AATF: variants seen among roughly 807,000 people sequenced by gnomAD.
AATF encodes the protein apoptosis antagonizing transcription factor.
A neutral mutation model predicts 63.7 loss-of-function variants in AATF; 48 were observed. The ratio of observed to expected loss-of-function variants is 0.75; its 90% CI spans 0.60 to 0.96. AATF has a LOEUF of 0.96. Ranked by LOEUF, AATF falls within the 40% of genes least tolerant of loss-of-function variation. The probability of loss-of-function intolerance (pLI) is 0.00; values close to 1 mark genes in which losing one functional copy is unlikely to be tolerated. For missense variants in AATF, 639 were observed against 685.7 expected (o/e 0.93, Z 0.76); for synonymous variants, 258 against 247.7 (o/e 1.04, Z -0.39).
At chr17:36,980,553 A>G (rs2071114591) in intron 4 of AATF, 1 of 152,212 alleles carries the variant, frequency 6.6e-6, no homozygotes, top group Non-Finnish European at 1.5e-5. Context: ...GAAACTGTTG[A>G]TTCATTCTAT....
chr17:36,957,547 C>T (rs1427747443), intron 4 of AATF, among the ~76,000 whole-genome samples: 1 of 152,104 alleles, frequency 6.6e-6, no homozygotes, highest in Non-Finnish European at 1.5e-5. Context: ...CAGTGTTGGC[C>T]TCTTACGACG....
chr17:37,005,198 T>C (rs1279838661), intron 8 of AATF, among the ~76,000 whole-genome samples: 1 of 152,240 alleles, frequency 6.6e-6, no homozygotes, highest in Non-Finnish European at 1.5e-5. Context: ...CTTTCTAAAA[T>C]ATGAAACATT....
chr17:36,986,902 A>T (rs1239621480), intron 5 of AATF, among the ~76,000 whole-genome samples, 171 bp downstream of exon 5: 1 of 152,176 alleles, frequency 6.6e-6, no homozygotes, highest in African/African-American at 2.4e-5. Flanking sequence ...TAGATTTTAG[A>T]TTTTTATATT....
At chr17:36,962,842 C>T (rs190037396) in intron 4 of AATF, among the ~76,000 whole-genome samples, 18 of 152,276 alleles carry the variant, frequency 1.2e-4, no homozygotes, top group Non-Finnish European at 1.9e-4. Flanking sequence ...GAGGGAGAGG[C>T]TGGGCACTGT....
chr17:37,022,916 C>T (rs1597729484), intron 10 of AATF, among the ~76,000 whole-genome samples: 1 of 152,104 alleles, frequency 6.6e-6, no homozygotes, highest in African/African-American at 2.4e-5. Context: ...ACGTCTCTTC[C>T]GTACCTGTCT....
Position 37,039,872 on chromosome 17 carries a change from G to A in AATF, c.1619+8187G>A, listed in dbSNP as rs187243829. On this transcript the variant is annotated intron_variant, in intron 11 of 11. Coordinates refer to ENST00000619387, the MANE Select transcript of AATF (RefSeq NM_012138.4). ...TGTCAAAATGAAGCCTTGGCTCCAA[G>A]CAGGAGGTAGAGTGATAAAAGCACA... is the stretch of plus-strand genomic sequence containing the variant. 1.8e-4 allele frequency among the ~76,000 whole-genome samples: 27 copies of A among 152,318 alleles called. No individual in the cohort carries two copies. The East Asian group carries it at 4.8e-3, about 27-fold the overall frequency.
chr17:36,972,169 C>T (rs543031538), intron 4 of AATF, among the ~76,000 whole-genome samples: 44 of 152,276 alleles, frequency 2.9e-4, no homozygotes, highest in African/African-American at 1.0e-3. Context: ...GAATGGGCCA[C>T]ATCAACCTAT....
At chr17:36,994,398 T>C (rs539378567) in intron 8 of AATF, among the ~76,000 whole-genome samples, 46 of 152,246 alleles carry the variant, frequency 3.0e-4, no homozygotes, top group Non-Finnish European at 5.3e-4. Context: ...CTTTTGTTAC[T>C]TAAACAATTC....
At position 36,949,027 on chromosome 17, in the gene AATF, G is replaced by A. The variant is rs906297877; in HGVS notation, c.-99G>A. The A allele has an allele frequency of 9.5e-6, 11 of 1,152,526 alleles. No homozygotes were observed. In the South Asian group the frequency reaches 1.3e-4, roughly 14 times the overall value. 71.4% of individuals were successfully genotyped at this position (1,152,526 alleles called of 1,614,324 possible). A position where few individuals can be genotyped will look rare whatever the true frequency, so the allele number is the denominator to read the frequency against. ...GGTCTCTGGCGGAGTCGGGGAATCG[G>A]ATCAAGGCGAGAGGATCCGGCAGGG... On this transcript the variant is annotated 5_prime_UTR_variant, in exon 1 of 12. Coordinates refer to ENST00000619387, the MANE Select transcript of AATF (RefSeq NM_012138.4).
intron 10 of AATF, among the ~76,000 whole-genome samples, chr17:37,022,221 A>G (rs181450343): frequency 6.6e-6 from 1 of 152,208 alleles, no homozygotes; most frequent in East Asian, 1.9e-4. Flanking sequence ...CACTGAGAGA[A>G]AATCTTAAAC....
At chr17:37,025,642 T>C (rs1360393480) in intron 10 of AATF, among the ~76,000 whole-genome samples, 17 of 152,236 alleles carry the variant, frequency 1.1e-4, no homozygotes, top group Admixed American at 1.1e-3. Flanking sequence ...ATGCCTTTGG[T>C]TACTGAAGAG....
intron 8 of AATF, among the ~76,000 whole-genome samples, chr17:37,008,898 A>C (rs1032281218): frequency 3.9e-5 from 6 of 152,234 alleles, no homozygotes; most frequent in Non-Finnish European, 5.9e-5. Context: ...TATTACAAAG[A>C]TGTCAAGACA....
At chr17:36,953,940 G>A (rs757583028) in intron 4 of AATF, 33 bp downstream of exon 4, 2 of 1,601,750 alleles carry the variant, frequency 1.2e-6, no homozygotes, top group Admixed American at 3.5e-5. Flanking sequence ...GGAATACTTA[G>A]AACCACTTTG....
chr17:36,988,887 C>T (rs1270775165), intron 6 of AATF, among the ~76,000 whole-genome samples, 167 bp downstream of exon 6: 9 of 152,268 alleles, frequency 5.9e-5, no homozygotes, highest in East Asian at 3.9e-4. Context: ...GGGGTTTATA[C>T]GATTCAGACT....
intron 11 of AATF, among the ~76,000 whole-genome samples, chr17:37,046,729 CAA>C (rs1491477607): frequency 2.8e-4 from 29 of 102,430 alleles, no homozygotes; most frequent in African/African-American, 1.2e-3. Context: ...TGTGCTCCCC[CAA>C]CACACACACA....
intron 2 of AATF, 72 bp from the exon 3 acceptor site, chr17:36,952,814 A>T: frequency 1.3e-6 from 2 of 1,541,672 alleles, no homozygotes; most frequent in Admixed American, 4.1e-5. Context: ...CTTAAGTTGA[A>T]ATGAAGTCTA....
At chr17:36,952,826 G>A (rs2070865858) in intron 2 of AATF, 60 bp from the exon 3 acceptor site, 1 of 1,566,702 alleles carries the variant, frequency 6.4e-7, no homozygotes, top group Admixed American at 1.9e-5. Flanking sequence ...TGAAGTCTAT[G>A]GCTTGGTATT....
rs780295228 is a variant in AATF at position 36,986,689 on chromosome 17, A to G, written c.905A>G (p.Asp302Gly). 2 of 1,614,174 alleles carry G rather than the reference A, an allele frequency of 1.2e-6. No homozygotes were observed. The highest frequency in any genetic ancestry group is 1.7e-5 in the Admixed American group (1 of 60,024). ...GAAGAGTTGCTTTTCCAGTACCCAG[A>G]CACTAGATATCTAGTAGATGGGACA... is the stretch of plus-strand genomic sequence containing the variant. ...LQEELLFQYP[D>G]TRYLVDGTKP... The change falls in exon 5 of 12, where the codon GAC becomes GGC. Residue 302 changes from aspartate (D) to glycine (G), a missense_variant. Transcript: ENST00000619387.
chr17:36,959,801 C>T (rs969628617), intron 4 of AATF, among the ~76,000 whole-genome samples: 15 of 152,054 alleles, frequency 9.9e-5, no homozygotes, highest in African/African-American at 3.4e-4. Flanking sequence ...TTGATATTTC[C>T]CGTAAGCAAA....
Sources: allele counts gnomAD v4.1 joint callset (sites outside exome capture counted in the v4.1 genomes callset), GRCh38; gene constraint gnomAD v4.1.1; transcripts MANE v1.5; gene names NCBI Gene and HGNC (gene_info 2026-07-23, HGNC 2026-07-21).